RAP1GDS1: variants seen among roughly 807,000 people sequenced by gnomAD.
RAP1GDS1 encodes Rap1 GTPase-GDP dissociation stimulator 1.
Under a neutral mutation model 71.1 loss-of-function variants are expected in RAP1GDS1, and 35 were observed. That is an observed-to-expected ratio of 0.49 (90% CI 0.38 to 0.65). RAP1GDS1 has a LOEUF of 0.65. RAP1GDS1 is among the 30% of genes least tolerant of loss of function. RAP1GDS1 has a pLI of 0.00. For synonymous variants in RAP1GDS1, 229 were observed against 243.1 expected (o/e 0.94, Z 0.54); for missense variants, 663 against 706.1 (o/e 0.94, Z 0.69).
chr4:98,439,976 A>G (rs1417775824), intron 14 of RAP1GDS1, among the ~76,000 whole-genome samples: 1 of 152,206 alleles, frequency 6.6e-6, no homozygotes, highest in African/African-American at 2.4e-5. Flanking sequence ...CTCTGTACTC[A>G]TTAACCAATA....
chr4:98,402,332 G>T (rs1745545424), intron 6 of RAP1GDS1, among the ~76,000 whole-genome samples: 1 of 152,084 alleles, frequency 6.6e-6, no homozygotes. Context: ...CCAGACTCCG[G>T]AAGTGTTGGG....
At chr4:98,392,753 T>G (rs1202270146) in intron 6 of RAP1GDS1, among the ~76,000 whole-genome samples, 2 of 152,176 alleles carry the variant, frequency 1.3e-5, no homozygotes. Flanking sequence ...TTTTCTCAGG[T>G]AAAGAGGAAT....
At position 98,352,516 on chromosome 4, in the gene RAP1GDS1, A is replaced by G. The variant is rs778640131; in HGVS notation, c.276A>G (p.Ser92=). ...CATGTGTGGATGCTGGATTGATTTC[A>G]CCACTGGTGCAGCTGCTAAATAGCA... The part of the protein sequence containing the change: ...RIPCVDAGLI[S]PLVQLLNSKD... Residue 92 remains serine, a synonymous_variant, in exon 4 of 15, where the codon TCA becomes TCG. Transcript: ENST00000408927. 1 of 1,614,022 alleles carries G rather than the reference A, an allele frequency of 6.2e-7. No homozygotes were observed. The highest frequency in any genetic ancestry group is 8.5e-7 in the Non-Finnish European group (1 of 1,179,918).
chr4:98,293,626 CTT>C (rs1349827833), intron 2 of RAP1GDS1, 111 bp downstream of exon 2: 3 of 760,936 alleles, frequency 3.9e-6, no homozygotes, highest in Non-Finnish European at 6.5e-6. Flanking sequence ...AACTTGAATT[CTT>C]TTGAATCATA....
intron 2 of RAP1GDS1, among the ~76,000 whole-genome samples, chr4:98,324,622 C>G (rs1272300726): frequency 6.9e-6 from 1 of 145,260 alleles, no homozygotes; most frequent in Non-Finnish European, 1.5e-5. Flanking sequence ...CGCCGCATAC[C>G]TACAACTATC....
At chr4:98,440,563 C>A (rs997703952) in intron 14 of RAP1GDS1, among the ~76,000 whole-genome samples, 1 of 152,082 alleles carries the variant, frequency 6.6e-6, no homozygotes, top group African/African-American at 2.4e-5. Flanking sequence ...TGGCATCTTA[C>A]TGTGGTTTTT....
chr4:98,325,680 C>T (rs1036815563), intron 2 of RAP1GDS1, among the ~76,000 whole-genome samples: 12 of 147,902 alleles, frequency 8.1e-5, no homozygotes, highest in Non-Finnish European at 1.6e-4. Context: ...GAACAAAAAA[C>T]CAAACACCGA....
At chr4:98,362,487 C>T (rs916002602) in intron 4 of RAP1GDS1, among the ~76,000 whole-genome samples, 2 of 151,952 alleles carry the variant, frequency 1.3e-5, no homozygotes, top group African/African-American at 2.4e-5. Flanking sequence ...CAGACAACAA[C>T]TAACACAATG....
chr4:98,438,232 C>G (rs966046903), intron 14 of RAP1GDS1, among the ~76,000 whole-genome samples: 4 of 151,778 alleles, frequency 2.6e-5, no homozygotes, highest in African/African-American at 9.7e-5. Context: ...ATAGCTACTT[C>G]TGCTTGTTTT....
intron 2 of RAP1GDS1, among the ~76,000 whole-genome samples, chr4:98,318,263 G>C (rs1238485090): frequency 6.6e-6 from 1 of 152,154 alleles, no homozygotes; most frequent in Non-Finnish European, 1.5e-5. Flanking sequence ...ATAGAGTACA[G>C]AGATCCTCAG....
At chr4:98,351,320 G>A (rs917497613) in intron 3 of RAP1GDS1, among the ~76,000 whole-genome samples, 1 of 152,050 alleles carries the variant, frequency 6.6e-6, no homozygotes, top group Admixed American at 6.5e-5. Flanking sequence ...CATTTATTTC[G>A]GGACAGAGGA....
At chr4:98,279,578 T>A (rs1403484622) in intron 1 of RAP1GDS1, among the ~76,000 whole-genome samples, 2 of 152,112 alleles carry the variant, frequency 1.3e-5, no homozygotes, top group African/African-American at 2.4e-5. Flanking sequence ...ATATATTGCA[T>A]AATTTATATT....
chr4:98,359,528 A>G (rs1370639228), intron 4 of RAP1GDS1, among the ~76,000 whole-genome samples: 1 of 152,104 alleles, frequency 6.6e-6, no homozygotes, highest in Non-Finnish European at 1.5e-5. Context: ...GATGGTAGGA[A>G]GTTTGTGGTT....
chr4:98,366,488 AGATACCC>A (rs1179893497), intron 4 of RAP1GDS1, among the ~76,000 whole-genome samples: 10 of 152,306 alleles, frequency 6.6e-5, no homozygotes, highest in African/African-American at 2.4e-4. Flanking sequence ...ACTGCTGAAA[AGATACCC>A]GAAAATGTGG....
chr4:98,413,584 G>A lies in RAP1GDS1; in HGVS notation c.764-3161G>A, dbSNP rs1747431634. Among the ~76,000 whole-genome samples the A allele has an allele frequency of 2.6e-5, 4 of 151,576 alleles. No homozygotes were observed. In the East Asian group the frequency reaches 7.7e-4, roughly 29 times the overall value. ...TTATGGCTGCATAGTATTCCATGGT[G>A]TATATGTGCCACATTTTCTTAATCC... On this transcript the variant is annotated intron_variant, in intron 7 of 14. Coordinates refer to ENST00000408927, the MANE Select transcript of RAP1GDS1 (RefSeq NM_001100427.2).
intron 3 of RAP1GDS1, among the ~76,000 whole-genome samples, chr4:98,343,811 G>T (rs911446831): frequency 6.6e-6 from 1 of 152,114 alleles, no homozygotes; most frequent in Non-Finnish European, 1.5e-5. Flanking sequence ...TACACTGAGA[G>T]ATTCTTTGGA....
intron 7 of RAP1GDS1, among the ~76,000 whole-genome samples, chr4:98,412,679 A>C (rs928479020): frequency 6.6e-6 from 1 of 152,162 alleles, no homozygotes; most frequent in Admixed American, 6.5e-5. Context: ...CAATATTTCA[A>C]TGTATGTTCT....
intron 7 of RAP1GDS1, among the ~76,000 whole-genome samples, chr4:98,413,074 CT>C (rs1466596047): frequency 6.6e-6 from 1 of 152,146 alleles, no homozygotes; most frequent in African/African-American, 2.4e-5. Context: ...AGGGCGGGAT[CT>C]TTTCCGCACC....
rs993113571 is a variant in RAP1GDS1, at chr4:98,442,499, T to C, written c.*382T>C. ...AACAAAGAATGCAGCAGGATCTGTCTAGCTTATTAAAGATGAAACTGAATT... is the reference window on the plus strand; with the variant it reads ...AACAAAGAATGCAGCAGGATCTGTCCAGCTTATTAAAGATGAAACTGAATT... On this transcript the variant is annotated 3_prime_UTR_variant, in exon 15 of 15. Transcript: ENST00000408927. 3 of 231,374 alleles carry C rather than the reference T, an allele frequency of 1.3e-5. No homozygotes were observed. The highest frequency in any genetic ancestry group is 2.6e-5 in the Non-Finnish European group (3 of 116,778). 14.3% of individuals were successfully genotyped at this position (231,374 alleles called of 1,614,324 possible).
Sources: allele counts gnomAD v4.1 joint callset (sites outside exome capture counted in the v4.1 genomes callset), GRCh38; gene constraint gnomAD v4.1.1; transcripts MANE v1.5; gene names NCBI Gene and HGNC (gene_info 2026-07-23, HGNC 2026-07-21).